AFF2: variants seen among roughly 807,000 people sequenced by gnomAD.
AFF2 encodes AF4/FMR2 family member 2.
Under a neutral mutation model 76.9 loss-of-function variants are expected in AFF2, and 14 were observed. That is an observed-to-expected ratio of 0.18 (90% CI 0.12 to 0.28). AFF2 has a LOEUF of 0.28. Ranked by LOEUF, AFF2 falls within the 10% of genes least tolerant of loss-of-function variation. The pLI, the probability that AFF2 is intolerant of heterozygous loss-of-function variation, is 1.00. For missense variants in AFF2, 868 were observed against 1,001.1 expected, an observed-to-expected ratio of 0.87 and a Z score of 1.79; for synonymous variants, 398 against 366.7, an observed-to-expected ratio of 1.09 and a Z score of -0.98.
chrX:148,986,190 A>T (rs1351095448), intron 19 of AFF2, among the ~76,000 whole-genome samples: 2 of 111,811 alleles, frequency 1.8e-5, no homozygotes, highest in Non-Finnish European at 1.9e-5. Flanking sequence ...TCTTTCAAAC[A>T]TGCAGACTCA....
chrX:148,746,450 C>G (rs1464820683), intron 3 of AFF2, among the ~76,000 whole-genome samples: 5 of 112,155 alleles, frequency 4.5e-5, no homozygotes, highest in African/African-American at 1.6e-4. Context: ...CAAAGCCAGG[C>G]AGAATCCCTC....
intron 9 of AFF2, among the ~76,000 whole-genome samples, chrX:148,907,243 T>C (rs2071417540): frequency 8.9e-6 from 1 of 112,256 alleles, no homozygotes; most frequent in African/African-American, 3.2e-5. Context: ...GTAAACAAAT[T>C]GGACATATCC....
In AFF2 at chrX:148,992,963, G is replaced by A. The variant is rs1557292498; in HGVS notation, c.*1631G>A. Reference sequence around the variant, plus strand: ...AATAATAGATATGCACATGAAAGATGCAAACTTGTGTGATTATTAAAGCCA... The same window carrying A: ...AATAATAGATATGCACATGAAAGATACAAACTTGTGTGATTATTAAAGCCA... On this transcript the variant is annotated 3_prime_UTR_variant, in exon 21 of 21. Coordinates refer to ENST00000370460, the MANE Select transcript of AFF2 (RefSeq NM_002025.4). 8.9e-6 allele frequency: 1 copy of A among 112,726 alleles called. No homozygotes were observed. Among genetic ancestry groups the A allele is most frequent in the African/African-American group, 3.2e-5 (1 of 30,918 alleles). The allele number at this position is 112,726 out of a possible 1,213,427, so 9.3% of individuals were successfully genotyped here.
At chrX:148,990,263 G>A (rs1380766723) in intron 20 of AFF2, among the ~76,000 whole-genome samples, 1 of 111,630 alleles carries the variant, frequency 9.0e-6, no homozygotes, top group Admixed American at 9.5e-5. Flanking sequence ...CCCATGCATG[G>A]AAATCACTTT....
chrX:148,690,929 TG>T (rs534845806), intron 3 of AFF2, among the ~76,000 whole-genome samples: 10 of 111,837 alleles, frequency 8.9e-5, no homozygotes, highest in Middle Eastern at 4.6e-3. Flanking sequence ...TGTCTTCATG[TG>T]GTCTTCCCCT....
At chrX:148,592,709 C>T (rs905476432) in intron 1 of AFF2, among the ~76,000 whole-genome samples, 2 of 111,103 alleles carry the variant, frequency 1.8e-5, no homozygotes, top group African/African-American at 6.6e-5. Flanking sequence ...GGGGCTTGGG[C>T]TTCATTAGGG....
chrX:148,852,492 C>T (rs2070743211), intron 7 of AFF2, among the ~76,000 whole-genome samples: 1 of 107,369 alleles, frequency 9.3e-6, no homozygotes, highest in African/African-American at 3.4e-5. Context: ...TTTAAAGTAC[C>T]TATTCCTCAT....
intron 3 of AFF2, among the ~76,000 whole-genome samples, chrX:148,792,717 G>A: frequency 8.9e-6 from 1 of 112,358 alleles, no homozygotes; most frequent in Non-Finnish European, 1.9e-5. Flanking sequence ...GTTAGGCTAT[G>A]ATTTGGCTGA....
At chrX:148,835,085 A>C (rs2070504440) in intron 4 of AFF2, among the ~76,000 whole-genome samples, 1 of 112,108 alleles carries the variant, frequency 8.9e-6, no homozygotes. Flanking sequence ...AATTCAAGAT[A>C]ATCAGATTCT....
At chrX:148,703,253 G>C (rs782147496) in intron 3 of AFF2, among the ~76,000 whole-genome samples, 7 of 111,806 alleles carry the variant, frequency 6.3e-5, no homozygotes, top group Non-Finnish European at 1.3e-4. Flanking sequence ...GCATACAAAA[G>C]TTATTTTCAT....
At chrX:148,694,529 C>T (rs2054691865) in intron 3 of AFF2, among the ~76,000 whole-genome samples, 1 of 111,204 alleles carries the variant, frequency 9.0e-6, no homozygotes, top group South Asian at 3.8e-4. Flanking sequence ...TCAATAGCTA[C>T]AATAAGTAAA....
rs1441408975 is a variant in AFF2, at chrX:148,994,860, A to G, written c.*3528A>G. The G allele has an allele frequency of 8.9e-6, 1 of 112,422 alleles. No individual in the cohort carries two copies. Among genetic ancestry groups the G allele is most frequent in the African/African-American group, 3.2e-5 (1 of 30,806 alleles). The allele number at this position is 112,422 out of a possible 1,213,427, so 9.3% of individuals were successfully genotyped here. A position where few individuals can be genotyped will look rare whatever the true frequency, so the allele number is the denominator to read the frequency against. On this transcript the variant is annotated 3_prime_UTR_variant, in exon 21 of 21. Coordinates refer to ENST00000370460, the MANE Select transcript of AFF2 (RefSeq NM_002025.4). ...TTGAGTTGTGAGGGTGAAGCCTCACATACTTCTCAACAGACATGATAAAAT... is the reference window on the plus strand; with the variant it reads ...TTGAGTTGTGAGGGTGAAGCCTCACGTACTTCTCAACAGACATGATAAAAT...
At chrX:148,956,831 T>C (rs781802126) in intron 11 of AFF2, among the ~76,000 whole-genome samples, 1 of 113,132 alleles carries the variant, frequency 8.8e-6, no homozygotes, top group Non-Finnish European at 1.9e-5. Context: ...CATTATGGCA[T>C]ATGAGGGCTT....
intron 3 of AFF2, among the ~76,000 whole-genome samples, chrX:148,800,631 G>T (rs1603303156): frequency 9.0e-6 from 1 of 111,009 alleles, no homozygotes; most frequent in East Asian, 2.8e-4. Context: ...TTTAAACGGG[G>T]TTATGGAACT....
At chrX:148,601,749 A>G (rs2053629212) in intron 1 of AFF2, among the ~76,000 whole-genome samples, 1 of 111,900 alleles carries the variant, frequency 8.9e-6, no homozygotes, top group Non-Finnish European at 1.9e-5. Flanking sequence ...AAAATGTCTT[A>G]TAAATTTCAA....
chrX:148,781,504 G>A (rs782015086), intron 3 of AFF2, among the ~76,000 whole-genome samples: 4 of 112,227 alleles, frequency 3.6e-5, no homozygotes, highest in Non-Finnish European at 7.5e-5. Context: ...TCCAAACTTT[G>A]TGGTGGCTTT....
intron 9 of AFF2, among the ~76,000 whole-genome samples, chrX:148,936,353 G>T (rs1316779127): frequency 8.9e-6 from 1 of 112,195 alleles, no homozygotes; most frequent in African/African-American, 3.2e-5. Flanking sequence ...TGTCAAGGCT[G>T]TAACTTTGTC....
chrX:148,899,742 A>G (rs1281249858), intron 8 of AFF2, among the ~76,000 whole-genome samples: 2 of 111,175 alleles, frequency 1.8e-5, no homozygotes, highest in African/African-American at 6.6e-5. Context: ...GACTGACAGT[A>G]TTATTATTGA....
chrX:148,737,535 C>T (rs1335635338), intron 3 of AFF2, among the ~76,000 whole-genome samples: 1 of 111,256 alleles, frequency 9.0e-6, no homozygotes, highest in Non-Finnish European at 1.9e-5. Context: ...TTAGGGTTTT[C>T]AAAGTAAATG....
Sources: allele counts gnomAD v4.1 joint callset (sites outside exome capture counted in the v4.1 genomes callset), GRCh38; gene constraint gnomAD v4.1.1; transcripts MANE v1.5; gene names NCBI Gene and HGNC (gene_info 2026-07-23, HGNC 2026-07-21).